The following SUPT3H variants were observed in gnomAD, a reference collection of about 807,000 sequenced individuals.
SUPT3H encodes SPT3 homolog, SAGA and STAGA complex component, also known as transcription initiation protein SPT3 homolog.
In SUPT3H, 44 loss-of-function variants were observed where a neutral mutation model predicts 44.3. That is an observed-to-expected ratio of 0.99 (90% CI 0.78 to 1.28). SUPT3H has a LOEUF of 1.28. Ranked by LOEUF, SUPT3H falls within the 50% of genes most tolerant of loss-of-function variation. The probability of loss-of-function intolerance (pLI) is 0.00; values close to 1 mark genes in which losing one functional copy is unlikely to be tolerated. For synonymous variants in SUPT3H, 124 were observed against 125.6 expected (o/e 0.99, Z 0.09); for missense variants, 380 against 387.1 (o/e 0.98, Z 0.15).
At chr6:45,108,213 C>A (rs1186717201) in intron 2 of SUPT3H, among the ~76,000 whole-genome samples, 5 of 152,162 alleles carry the variant, frequency 3.3e-5, no homozygotes, top group African/African-American at 1.2e-4. Context: ...TGGCTCATAC[C>A]CGTAATCCTA....
At chr6:45,167,997 G>T (rs1810171619) in intron 2 of SUPT3H, among the ~76,000 whole-genome samples, 1 of 151,992 alleles carries the variant, frequency 6.6e-6, no homozygotes, top group South Asian at 2.1e-4. Flanking sequence ...TTTTAGTAGA[G>T]ACGGGGTTTC....
In SUPT3H at chr6:44,829,410, T is replaced by C. The variant is rs185788398; in HGVS notation, c.*406A>G. 252 of 158,122 alleles carry C rather than the reference T, an allele frequency of 1.6e-3. 2 individuals are homozygous for C. Among genetic ancestry groups the C allele is most frequent in the Non-Finnish European group, 2.6e-3 (191 of 72,108 alleles). 9.8% of individuals were successfully genotyped at this position (158,122 alleles called of 1,614,324 possible). On this transcript the variant is annotated 3_prime_UTR_variant, in exon 11 of 11. Transcript: ENST00000371459. ...GGTGTAAGGGAAGGCGAAAACTCAC[T>C]GTCCTTTTAATTTTGTTTCCTTGTT...
chr6:45,039,165 G>A (rs1788132750), intron 3 of SUPT3H, among the ~76,000 whole-genome samples: 1 of 152,094 alleles, frequency 6.6e-6, no homozygotes, highest in Non-Finnish European at 1.5e-5. Flanking sequence ...CTTTTGAAAA[G>A]TTATGAAATC....
At chr6:45,158,298 A>ATATATATATATTTTTTTTTT in intron 2 of SUPT3H, among the ~76,000 whole-genome samples, 1 of 99,694 alleles carries the variant, frequency 1.0e-5, no homozygotes, top group African/African-American at 5.0e-5. Context: ...ATATATATAT[A>ATATATATATATTTTTTTTTT]TTTTTTTTTT....
At chr6:44,882,868 T>C (rs899100457) in intron 10 of SUPT3H, among the ~76,000 whole-genome samples, 2 of 152,102 alleles carry the variant, frequency 1.3e-5, no homozygotes, top group African/African-American at 4.8e-5. Context: ...ATAAACTAGG[T>C]ATTGATGGAA....
intron 2 of SUPT3H, among the ~76,000 whole-genome samples, chr6:45,308,228 A>G (rs1361788923): frequency 2.6e-5 from 4 of 152,126 alleles, no homozygotes; most frequent in Non-Finnish European, 4.4e-5. Flanking sequence ...CCAACATGCA[A>G]AATCAGGAAA....
At chr6:45,339,078 A>T (rs1789209351) in intron 2 of SUPT3H, among the ~76,000 whole-genome samples, 1 of 152,232 alleles carries the variant, frequency 6.6e-6, no homozygotes, top group South Asian at 2.1e-4. Flanking sequence ...CATACTTGCC[A>T]TAAATATCTT....
At chr6:45,205,310 T>C (rs989864503) in intron 2 of SUPT3H, among the ~76,000 whole-genome samples, 1 of 152,194 alleles carries the variant, frequency 6.6e-6, no homozygotes, top group Non-Finnish European at 1.5e-5. Context: ...ATAGAAGGAC[T>C]CCATGTTGCC....
chr6:45,030,941 C>T (rs184735482), intron 3 of SUPT3H, among the ~76,000 whole-genome samples: 80 of 152,258 alleles, frequency 5.3e-4, no homozygotes, highest in African/African-American at 1.9e-3. Flanking sequence ...TGTGGTACAT[C>T]CCGAAGAGTG....
intron 10 of SUPT3H, among the ~76,000 whole-genome samples, chr6:44,870,234 T>C (rs1262679103): frequency 6.6e-6 from 1 of 152,162 alleles, no homozygotes; most frequent in Non-Finnish European, 1.5e-5. Flanking sequence ...TCAATTAACA[T>C]GTATACAGAG....
intron 2 of SUPT3H, among the ~76,000 whole-genome samples, chr6:45,158,289 T>TAC (rs1808256347): frequency 4.5e-5 from 2 of 44,738 alleles, no homozygotes; most frequent in African/African-American, 1.8e-4. Context: ...TATATATATA[T>TAC]ATATATATAT....
intron 2 of SUPT3H, among the ~76,000 whole-genome samples, chr6:45,137,783 C>T (rs888626321): frequency 1.3e-5 from 2 of 151,706 alleles, no homozygotes; most frequent in African/African-American, 4.8e-5. Context: ...ATAAATTCAA[C>T]CATGACAATA....
chr6:45,288,586 T>G (rs1779749907), intron 2 of SUPT3H, among the ~76,000 whole-genome samples: 1 of 36,672 alleles, frequency 2.7e-5, no homozygotes, highest in Non-Finnish European at 6.9e-5. Context: ...TATATATGTA[T>G]ATATATATAT....
chr6:44,901,741 A>G (rs1765099804), intron 10 of SUPT3H, among the ~76,000 whole-genome samples: 1 of 151,758 alleles, frequency 6.6e-6, no homozygotes, highest in South Asian at 2.1e-4. Context: ...CAAAGTTGAA[A>G]TGAAGGAAAA....
chr6:44,897,411 T>G lies in SUPT3H; in HGVS notation c.912+35242A>C, dbSNP rs535676253. 2.6e-5 allele frequency among the ~76,000 whole-genome samples: 4 copies of G among 152,366 alleles called. No individual in the cohort carries two copies. In the East Asian group the frequency reaches 5.8e-4, roughly 22 times the overall value. ...TCTCTGAACTATGTTCAGCAGTTCT[T>G]GGCTGTGGTCTTTTATCCAACAGAA... is the stretch of plus-strand genomic sequence containing the variant. On this transcript the variant is annotated intron_variant, in intron 10 of 10. Coordinates refer to ENST00000371459, the MANE Select transcript of SUPT3H (RefSeq NM_003599.4).
intron 3 of SUPT3H, among the ~76,000 whole-genome samples, chr6:45,085,141 TA>T (rs1267141990): frequency 2.0e-5 from 3 of 152,012 alleles, no homozygotes; most frequent in African/African-American, 7.2e-5. Flanking sequence ...AAAAATTAAT[TA>T]AAAATAAATA....
intron 10 of SUPT3H, among the ~76,000 whole-genome samples, chr6:44,928,672 G>A (rs924634329): frequency 6.6e-6 from 1 of 151,476 alleles, no homozygotes; most frequent in Non-Finnish European, 1.5e-5. Flanking sequence ...GAGGCGGGCG[G>A]ATCACGAGGT....
At chr6:44,832,214 A>G (rs1768929750) in intron 10 of SUPT3H, among the ~76,000 whole-genome samples, 1 of 152,204 alleles carries the variant, frequency 6.6e-6, no homozygotes, top group South Asian at 2.1e-4. Context: ...ACAACAACTC[A>G]TCTTCACGTC....
intron 2 of SUPT3H, among the ~76,000 whole-genome samples, chr6:45,145,458 A>C (rs539086179): frequency 1.3e-5 from 2 of 152,062 alleles, no homozygotes; most frequent in East Asian, 3.9e-4. Flanking sequence ...GATAACTGGC[A>C]AGCTACATGT....
Sources: gnomAD v4.1 joint callset for allele counts (sites outside exome capture counted in the v4.1 genomes callset) on GRCh38, gnomAD v4.1.1 for gene constraint, MANE v1.5 for transcripts, NCBI Gene and HGNC (gene_info 2026-07-23, HGNC 2026-07-21) for gene names.